Variants in PACS2 observed in about 807,000 individuals in gnomAD.
PACS2 encodes the protein phosphofurin acidic cluster sorting protein 2.
In PACS2, 36 loss-of-function variants were observed where a neutral mutation model predicts 113.0. The observed-to-expected ratio is 0.32, with a 90% CI of 0.24 to 0.42. The LOEUF (loss-of-function observed/expected upper bound fraction) is 0.42, where lower values mean the gene tolerates loss of function less well. PACS2 is among the 10% of genes least tolerant of loss of function. The pLI, the probability that PACS2 is intolerant of heterozygous loss-of-function variation, is 1.00. For synonymous variants in PACS2, 589 were observed against 536.1 expected (o/e 1.10, Z -1.36); for missense variants, 1,015 against 1,239.5 (o/e 0.82, Z 2.72).
intron 19 of PACS2, 146 bp from the exon 20 acceptor site, chr14:105,389,813 GAC>G: frequency 1.4e-6 from 1 of 737,604 alleles, no homozygotes; most frequent in Non-Finnish European, 2.5e-6. Context: ...GTGGGGCCGG[GAC>G]ACACAGGGCA....
rs956855251 is a variant in PACS2 at position 105,348,735 on chromosome 14, G to A, written c.207+155G>A. 10 of 651,094 alleles carry A rather than the reference G, an allele frequency of 1.5e-5. No individual in the cohort carries two copies. The highest frequency in any genetic ancestry group is 1.5e-4 in the Admixed American group (6 of 40,522). The allele number at this position is 651,094 out of a possible 1,614,324, so 40.3% of individuals were successfully genotyped here. A position where few individuals can be genotyped will look rare whatever the true frequency, so the allele number is the denominator to read the frequency against. ...GGAGCCCGGGGGGCTGGGAATGACA[G>A]GATGCTCCTGGGTCCAGTCCTGTCC... On this transcript the variant is annotated intron_variant, in intron 2 of 24. Transcript: ENST00000447393. This position sits in a 1 kb window ranked among gnomAD's most constrained non-coding sequence, Gnocchi z 6.4.
intron 17 of PACS2, among the ~76,000 whole-genome samples, 176 bp downstream of exon 17, chr14:105,384,639 A>C (rs1158213142): frequency 6.6e-6 from 1 of 152,148 alleles, no homozygotes; most frequent in Non-Finnish European, 1.5e-5. Context: ...TGAGCCTTGG[A>C]ATGTTGGAAG....
intron 2 of PACS2, among the ~76,000 whole-genome samples, chr14:105,350,269 C>G (rs2060119237): frequency 6.6e-6 from 1 of 152,170 alleles, no homozygotes; most frequent in African/African-American, 2.4e-5. Context: ...CTCATTGGGT[C>G]TTCAGAGCAA....
Position 105,356,274 on chromosome 14 carries a change from T to A in PACS2, c.423+1097T>A, listed in dbSNP as rs1555405294. Among the ~76,000 whole-genome samples the A allele has an allele frequency of 6.6e-6, 1 of 152,094 alleles. No homozygotes were observed. Among genetic ancestry groups the A allele is most frequent in the South Asian group, 2.1e-4 (1 of 4,826 alleles). On this transcript the variant is annotated intron_variant, in intron 4 of 24. Coordinates refer to ENST00000447393, the MANE Select transcript of PACS2 (RefSeq NM_001100913.3). The surrounding 1 kb of genome is among the most constrained non-coding windows in gnomAD (Gnocchi z 4.0). The stretch of plus-strand genomic sequence containing the variant: ...ATCCAGGACAAGTGCCAAGTACTAC[T>A]CTGGGCTCAGCCCTCCCTGCTACCC...
rs2060549111 is a variant in PACS2 at position 105,358,661 on chromosome 14, TGGTGG to T, written c.423+3485_423+3489del. On this transcript the variant is annotated intron_variant, in intron 4 of 24. Coordinates refer to ENST00000447393, the MANE Select transcript of PACS2 (RefSeq NM_001100913.3). The surrounding 1 kb of genome is among the most constrained non-coding windows in gnomAD (Gnocchi z 4.9). Reference sequence around the variant, plus strand: ...GCGAAGGGGTGACCTGGGAGTGCGGTGGTGGCTGAGGGAGCAGCCATGCTTCTTTG... The same window carrying T: ...GCGAAGGGGTGACCTGGGAGTGCGGTCTGAGGGAGCAGCCATGCTTCTTTG... Among the ~76,000 whole-genome samples the T allele has an allele frequency of 2.6e-5, 4 of 152,048 alleles. No homozygotes were observed. The highest frequency in any genetic ancestry group is 4.4e-5 in the Non-Finnish European group (3 of 67,984).
At chr14:105,383,737 C>T in intron 16 of PACS2, 1 of 537,920 alleles carries the variant, frequency 1.9e-6, no homozygotes, top group Admixed American at 3.7e-5. Context: ...TAATTATATG[C>T]AAGATAACTT....
Position 105,380,941 on chromosome 14 carries a change from C to T in PACS2, c.1126-16C>T, listed in dbSNP as rs782427298. On this transcript the variant is annotated splice_polypyrimidine_tract_variant and intron_variant, in intron 11 of 24. Transcript: ENST00000447393. ...TGGTTTCCACGGGAGGCTCCAGGCC[C>T]GTCTCTGCTCAGCAGGGTGTGCCAG... 32 of 1,603,134 alleles carry T rather than the reference C, an allele frequency of 2.0e-5. No individual in the cohort carries two copies. Among genetic ancestry groups the T allele is most frequent in the South Asian group, 4.5e-5 (4 of 89,814 alleles).
chr14:105,389,668 G>C, intron 19 of PACS2: 1 of 473,398 alleles, frequency 2.1e-6, no homozygotes, highest in Admixed American at 3.3e-5. Context: ...CCTCCGTGGA[G>C]CTGTGCCCTC....
At chr14:105,347,044 C>T (rs1222278143) in intron 1 of PACS2, among the ~76,000 whole-genome samples, 1 of 132,584 alleles carries the variant, frequency 7.5e-6, no homozygotes, top group Non-Finnish European at 1.6e-5. Context: ...TGCCTGTTGT[C>T]CGCTGTCCCC....
At chr14:105,351,950 G>A (rs587650098) in intron 2 of PACS2, among the ~76,000 whole-genome samples, 43 of 152,374 alleles carry the variant, frequency 2.8e-4, no homozygotes, top group African/African-American at 1.0e-3. Context: ...TTGAGCCCGG[G>A]AGCTCAAGTC....
At chr14:105,319,432 A>G (rs2058802483) in intron 1 of PACS2, among the ~76,000 whole-genome samples, 1 of 152,208 alleles carries the variant, frequency 6.6e-6, no homozygotes, top group African/African-American at 2.4e-5. Context: ...TGTCATGCAT[A>G]TCCTTTGTTA....
Position 105,358,333 on chromosome 14 carries a change from G to A in PACS2, c.423+3156G>A, listed in dbSNP as rs369158885. 5.3e-4 allele frequency among the ~76,000 whole-genome samples: 80 copies of A among 152,326 alleles called. 3 individuals carry two copies. The highest frequency in any genetic ancestry group is 1.9e-3 in the African/African-American group (79 of 41,560). ...TGACCGCAGCCCCAGGGCCTGCTGG[G>A]CACGCGCCTCTGCCTGCCACTTCTC... On this transcript the variant is annotated intron_variant, in intron 4 of 24. Transcript: ENST00000447393. The surrounding 1 kb of genome is among the most constrained non-coding windows in gnomAD (Gnocchi z 4.9).
chr14:105,379,167 A>G (rs1243404364), intron 9 of PACS2, among the ~76,000 whole-genome samples: 2 of 150,826 alleles, frequency 1.3e-5, no homozygotes, highest in Non-Finnish European at 3.0e-5. Context: ...CAGTGTGGAT[A>G]GTGTGGAAAG....
intron 11 of PACS2, 23 bp from the exon 12 acceptor site, chr14:105,380,933 TC>T (rs1195330323): frequency 6.3e-7 from 1 of 1,598,122 alleles, no homozygotes; most frequent in Non-Finnish European, 8.5e-7. Context: ...CACGGGAGGC[TC>T]CAGGCCCGTC....
At chr14:105,383,247 A>T (rs368081345) in intron 15 of PACS2, 112 bp from the exon 16 acceptor site, 1 of 1,250,488 alleles carries the variant, frequency 8.0e-7, no homozygotes. Context: ...CAGTTGTGGC[A>T]TGAGCGGCCA....
Position 105,329,456 on chromosome 14 carries a change from C to T in PACS2, c.119+14419C>T, listed in dbSNP as rs587653973. On this transcript the variant is annotated intron_variant, in intron 1 of 24. Coordinates refer to ENST00000447393, the MANE Select transcript of PACS2 (RefSeq NM_001100913.3). The surrounding 1 kb of genome is among the most constrained non-coding windows in gnomAD (Gnocchi z 6.4). ...CCACCAGAACCATCCTGAGTCCAAA[C>T]TGGCTGAGAGTCAAGGGGGTGTTCA... Among the ~76,000 whole-genome samples, 69 of 152,332 alleles carry T rather than the reference C, an allele frequency of 4.5e-4. No homozygotes were observed. The highest frequency in any genetic ancestry group is 3.4e-3 in the Middle Eastern group (1 of 294).
At chr14:105,311,259 AT>A (rs1174304044), upstream of PACS2, among the ~76,000 whole-genome samples, 1 of 147,254 alleles carries the variant, frequency 6.8e-6, no homozygotes, top group Non-Finnish European at 1.5e-5. Flanking sequence ...CGGCCTTTTT[AT>A]TTTTATTTTT....
At chr14:105,382,742 G>A (rs2081037376) in intron 14 of PACS2, 65 bp from the exon 15 acceptor site, 9 of 1,068,500 alleles carry the variant, frequency 8.4e-6, no homozygotes, top group Non-Finnish European at 1.3e-5. Context: ...GCTTTGGTGA[G>A]GGTCAGGTGC....
chr14:105,360,448 CA>C (rs1555406202), intron 4 of PACS2, among the ~76,000 whole-genome samples: 2 of 150,336 alleles, frequency 1.3e-5, no homozygotes, highest in African/African-American at 4.9e-5. Context: ...GGAGGGGAGG[CA>C]GGAGAATCAC....
Sources: allele counts gnomAD v4.1 joint callset (sites outside exome capture counted in the v4.1 genomes callset), GRCh38; gene constraint gnomAD v4.1.1; non-coding constraint Gnocchi (gnomAD v3.1); transcripts MANE v1.5; gene names NCBI Gene and HGNC (gene_info 2026-07-23, HGNC 2026-07-21).